Variants in GRIA4 observed in about 807,000 individuals in gnomAD.
GRIA4 encodes the protein glutamate receptor 4.
A neutral mutation model predicts 104.0 loss-of-function variants in GRIA4; 34 were observed. The observed-to-expected ratio is 0.33, with a 90% CI of 0.25 to 0.44. The LOEUF (loss-of-function observed/expected upper bound fraction) is 0.44, where lower values mean the gene tolerates loss of function less well. Ranked by LOEUF, GRIA4 falls within the 20% of genes least tolerant of loss-of-function variation. The pLI, the probability that GRIA4 is intolerant of heterozygous loss-of-function variation, is 1.00. For synonymous variants in GRIA4, 386 were observed against 381.9 expected (o/e 1.01, Z -0.13); for missense variants, 750 against 1,096.5 (o/e 0.68, Z 4.46).
At chr11:105,937,101 C>T (rs1278390416) in intron 14 of GRIA4, among the ~76,000 whole-genome samples, 1 of 152,102 alleles carries the variant, frequency 6.6e-6, no homozygotes, top group Non-Finnish European at 1.5e-5. Context: ...TCCTCCCTTT[C>T]CCAGTCCCCT....
At chr11:105,751,488 C>A (rs966935492) in intron 3 of GRIA4, among the ~76,000 whole-genome samples, 2 of 152,134 alleles carry the variant, frequency 1.3e-5, no homozygotes, top group Non-Finnish European at 2.9e-5. Flanking sequence ...AAATTACAGC[C>A]AGTCACATTG....
rs568210005 is a variant in GRIA4 at position 105,739,028 on chromosome 11, C to T, written c.248-13953C>T. 4.0e-5 allele frequency among the ~76,000 whole-genome samples: 6 copies of T among 151,796 alleles called. No homozygotes were observed. In the South Asian group the frequency reaches 1.2e-3, roughly 32 times the overall value. On this transcript the variant is annotated intron_variant, in intron 3 of 16. Coordinates refer to ENST00000282499, the MANE Select transcript of GRIA4 (RefSeq NM_000829.4). ...AATTTCTTTCTTCCTTTTCTCTCACCTTCCTTCCTTCCAAAAGCTCACTTA... is the reference window on the plus strand; with the variant it reads ...AATTTCTTTCTTCCTTTTCTCTCACTTTCCTTCCTTCCAAAAGCTCACTTA...
chr11:105,814,693 T>C (rs1273717425), intron 4 of GRIA4, among the ~76,000 whole-genome samples: 2 of 152,202 alleles, frequency 1.3e-5, no homozygotes. Context: ...AAGAATTGGC[T>C]ACATTTTTTA....
At chr11:105,802,036 A>G (rs1942740742) in intron 4 of GRIA4, among the ~76,000 whole-genome samples, 1 of 152,092 alleles carries the variant, frequency 6.6e-6, no homozygotes, top group South Asian at 2.1e-4. Context: ...ATGAGTTAAC[A>G]AAGGGCTAAA....
chr11:105,799,436 A>T (rs1942622473), intron 4 of GRIA4, among the ~76,000 whole-genome samples: 1 of 152,080 alleles, frequency 6.6e-6, no homozygotes, highest in Non-Finnish European at 1.5e-5. Context: ...TGGGATTAAG[A>T]TGGGAGAAAT....
intron 9 of GRIA4, 137 bp from the exon 10 acceptor site, chr11:105,910,298 T>C: frequency 4.9e-6 from 3 of 606,312 alleles, no homozygotes; most frequent in Non-Finnish European, 8.8e-6. Flanking sequence ...TGAACACTTT[T>C]TTTTTTTCTG....
intron 9 of GRIA4, among the ~76,000 whole-genome samples, chr11:105,906,025 G>A (rs894637096): frequency 6.6e-6 from 1 of 152,072 alleles, no homozygotes; most frequent in Admixed American, 6.5e-5. Context: ...CTAGGAACTA[G>A]GATGTTCAGG....
intron 3 of GRIA4, among the ~76,000 whole-genome samples, chr11:105,641,623 G>C (rs1408119375): frequency 6.6e-6 from 1 of 152,116 alleles, no homozygotes; most frequent in Non-Finnish European, 1.5e-5. Flanking sequence ...TTTTGGTCAT[G>C]TGAATCCAAA....
chr11:105,740,538 C>G (rs915678743), intron 3 of GRIA4, among the ~76,000 whole-genome samples: 2 of 152,216 alleles, frequency 1.3e-5, no homozygotes, highest in Non-Finnish European at 2.9e-5. Flanking sequence ...GTTACTTCTT[C>G]TTGTGGAACG....
At chr11:105,804,192 C>T (rs1172142101) in intron 4 of GRIA4, among the ~76,000 whole-genome samples, 1 of 151,824 alleles carries the variant, frequency 6.6e-6, no homozygotes, top group African/African-American at 2.4e-5. Context: ...CATGATATGA[C>T]ATTTCATCAT....
At chr11:105,758,455 C>T (rs1417873838) in intron 4 of GRIA4, among the ~76,000 whole-genome samples, 1 of 151,920 alleles carries the variant, frequency 6.6e-6, no homozygotes, top group Non-Finnish European at 1.5e-5. Flanking sequence ...TTTCAGTGGC[C>T]CACAACTTCC....
intron 6 of GRIA4, among the ~76,000 whole-genome samples, chr11:105,890,015 C>T (rs544559242): frequency 8.6e-4 from 131 of 152,196 alleles, no homozygotes; most frequent in Middle Eastern, 6.8e-3. Flanking sequence ...TCTACAATAA[C>T]AATTCTTACT....
chr11:105,818,272 T>C (rs942707965), intron 4 of GRIA4, among the ~76,000 whole-genome samples: 8 of 152,072 alleles, frequency 5.3e-5, no homozygotes, highest in South Asian at 2.1e-4. Context: ...GCCACCCTCA[T>C]ATGCAAATGT....
chr11:105,709,025 AG>A (rs1300437105), intron 3 of GRIA4, among the ~76,000 whole-genome samples: 2 of 152,072 alleles, frequency 1.3e-5, no homozygotes, highest in African/African-American at 4.8e-5. Context: ...TAAAAAAGCC[AG>A]GGCTTCTTAG....
At chr11:105,635,479 A>G (rs1297742009) in intron 3 of GRIA4, among the ~76,000 whole-genome samples, 5 of 152,210 alleles carry the variant, frequency 3.3e-5, no homozygotes, top group African/African-American at 1.2e-4. Flanking sequence ...AGAAGTGGCC[A>G]AATAAAATTG....
chr11:105,978,892 C>A (rs150538924), intron 16 of GRIA4, among the ~76,000 whole-genome samples: 3 of 152,306 alleles, frequency 2.0e-5, no homozygotes, highest in Non-Finnish European at 2.9e-5. Flanking sequence ...GACTCTATAA[C>A]CTCAATATGG....
At chr11:105,762,883 G>A (rs1390286392) in intron 4 of GRIA4, among the ~76,000 whole-genome samples, 1 of 152,108 alleles carries the variant, frequency 6.6e-6, no homozygotes, top group African/African-American at 2.4e-5. Flanking sequence ...TATCAGCAGC[G>A]TGAGAACAGG....
chr11:105,666,203 A>C (rs1952160078), intron 3 of GRIA4, among the ~76,000 whole-genome samples: 1 of 152,080 alleles, frequency 6.6e-6, no homozygotes, highest in Non-Finnish European at 1.5e-5. Context: ...CATTTTAGTT[A>C]AATATAAAAT....
intron 3 of GRIA4, among the ~76,000 whole-genome samples, chr11:105,618,171 G>A (rs1178970993): frequency 6.6e-6 from 1 of 151,908 alleles, no homozygotes; most frequent in Non-Finnish European, 1.5e-5. Context: ...TAAGGGGTGA[G>A]ACTTTGTAGA....
Sources: gnomAD v4.1 joint callset for allele counts (sites outside exome capture counted in the v4.1 genomes callset) on GRCh38, gnomAD v4.1.1 for gene constraint, MANE v1.5 for transcripts, NCBI Gene and HGNC (gene_info 2026-07-23, HGNC 2026-07-21) for gene names.